PTPRD: variants seen among roughly 807,000 people sequenced by gnomAD.
PTPRD encodes receptor-type tyrosine-protein phosphatase delta.
PTPRD carries 34 observed loss-of-function variants against 214.5 expected under a neutral mutation model. The ratio of observed to expected loss-of-function variants is 0.16; its 90% CI spans 0.12 to 0.21. The LOEUF (loss-of-function observed/expected upper bound fraction) is 0.21. PTPRD is among the 10% of genes least tolerant of loss of function. PTPRD has a pLI of 1.00. For synonymous variants in PTPRD, 1,128 were observed against 845.7 expected, an observed-to-expected ratio of 1.33 and a Z score of -5.79; for missense variants, 2,545 against 2,398.7, an observed-to-expected ratio of 1.06 and a Z score of -1.27.
chr9:8,446,463 G>A (rs987230234), intron 34 of PTPRD, among the ~76,000 whole-genome samples: 2 of 152,176 alleles, frequency 1.3e-5, no homozygotes, highest in Admixed American at 1.3e-4. Flanking sequence ...AAATCGTAAT[G>A]TTTGTTTGCT....
At chr9:9,180,160 C>T (rs535114682) in intron 10 of PTPRD, among the ~76,000 whole-genome samples, 27 of 151,308 alleles carry the variant, frequency 1.8e-4, no homozygotes, top group East Asian at 5.9e-4. Context: ...ATGTTTATTG[C>T]GGCACTATTC....
chr9:10,147,201 C>G (rs886574277), intron 3 of PTPRD, among the ~76,000 whole-genome samples: 3 of 151,992 alleles, frequency 2.0e-5, no homozygotes, highest in African/African-American at 7.2e-5. Flanking sequence ...TGCCTATATA[C>G]TCAAAAGGCA....
chr9:10,226,228 C>T (rs1237506764), intron 3 of PTPRD, among the ~76,000 whole-genome samples: 3 of 152,036 alleles, frequency 2.0e-5, no homozygotes, highest in Non-Finnish European at 4.4e-5. Flanking sequence ...TCTGCCAACT[C>T]ACCTACTGAA....
chr9:9,694,721 G>A (rs1934906771), intron 7 of PTPRD, among the ~76,000 whole-genome samples: 1 of 152,038 alleles, frequency 6.6e-6, no homozygotes, highest in African/African-American at 2.4e-5. Flanking sequence ...ACTTACCAAA[G>A]GAAGAGGAGC....
In PTPRD at chr9:9,104,506, G is replaced by A. The variant is rs570552542; in HGVS notation, c.-143+78798C>T. On this transcript the variant is annotated intron_variant, in intron 10 of 45. Coordinates refer to ENST00000381196, the MANE Select transcript of PTPRD (RefSeq NM_002839.4). ...AGGTGTTTTATAAAGGCTGTTTAAT[G>A]GTAATCAAATTTGCAAAACCGTTAT... Among the ~76,000 whole-genome samples the A allele has an allele frequency of 1.1e-3, 170 of 152,212 alleles. 1 individual carries two copies. The highest frequency in any genetic ancestry group is 4.0e-3 in the African/African-American group (166 of 41,546).
chr9:10,306,161 C>T (rs1298451247), intron 3 of PTPRD, among the ~76,000 whole-genome samples: 1 of 151,070 alleles, frequency 6.6e-6, no homozygotes, highest in Non-Finnish European at 1.5e-5. Flanking sequence ...TTTCAGCAAA[C>T]GAACACAAAA....
chr9:10,135,358 A>G (rs1318594886), intron 3 of PTPRD, among the ~76,000 whole-genome samples: 1 of 152,138 alleles, frequency 6.6e-6, no homozygotes, highest in African/African-American at 2.4e-5. Flanking sequence ...GCCAATATGC[A>G]AATTCAAAAA....
intron 3 of PTPRD, among the ~76,000 whole-genome samples, chr9:10,088,106 G>A (rs567351522): frequency 2.0e-5 from 3 of 151,726 alleles, no homozygotes; most frequent in South Asian, 2.1e-4. Context: ...AATATTTATT[G>A]TCTAGTTTGT....
chr9:10,470,002 T>C (rs974620543), intron 2 of PTPRD, among the ~76,000 whole-genome samples: 1 of 149,926 alleles, frequency 6.7e-6, no homozygotes, highest in African/African-American at 2.5e-5. Flanking sequence ...AGAGGCTGGG[T>C]AGGGTATTTG....
At chr9:9,242,358 A>G (rs980440743) in intron 9 of PTPRD, among the ~76,000 whole-genome samples, 2 of 151,908 alleles carry the variant, frequency 1.3e-5, no homozygotes, top group Non-Finnish European at 2.9e-5. Context: ...TCTTTGTGGC[A>G]TTCTCTGTAT....
At chr9:9,536,186 T>G (rs1226595574) in intron 8 of PTPRD, among the ~76,000 whole-genome samples, 1 of 152,024 alleles carries the variant, frequency 6.6e-6, no homozygotes, top group African/African-American at 2.4e-5. Context: ...CTGCATTATT[T>G]TATAACTACA....
intron 10 of PTPRD, among the ~76,000 whole-genome samples, chr9:9,038,884 T>A (rs2154382051): frequency 6.6e-6 from 1 of 152,136 alleles, no homozygotes; most frequent in Non-Finnish European, 1.5e-5. Context: ...AATTTAAAAA[T>A]TTTTCCCTCC....
At chr9:10,351,942 G>A (rs970628818) in intron 2 of PTPRD, among the ~76,000 whole-genome samples, 3 of 151,968 alleles carry the variant, frequency 2.0e-5, no homozygotes, top group Non-Finnish European at 4.4e-5. Context: ...AAAACAGACC[G>A]AGTTTTGAGT....
At chr9:8,910,339 T>G (rs1009462741) in intron 11 of PTPRD, among the ~76,000 whole-genome samples, 4 of 152,036 alleles carry the variant, frequency 2.6e-5, no homozygotes, top group African/African-American at 9.7e-5. Context: ...ACCTGGCCTT[T>G]ATGTAGAAAT....
chr9:9,948,980 A>C (rs1034783420), intron 4 of PTPRD, among the ~76,000 whole-genome samples: 1 of 150,888 alleles, frequency 6.6e-6, no homozygotes, highest in African/African-American at 2.4e-5. Flanking sequence ...TATCTGATGC[A>C]ATGTCAGCAT....
chr9:8,414,930 G>GGGGAGA (rs1491158344), intron 35 of PTPRD, among the ~76,000 whole-genome samples: 55 of 49,260 alleles, frequency 1.1e-3, no homozygotes, highest in African/African-American at 3.9e-3. Flanking sequence ...AGAGGGAGGG[G>GGGGAGA]GAGAGAGAGA....
Position 8,314,916 on chromosome 9 carries a change from C to T in PTPRD, c.*2958G>A, listed in dbSNP as rs773647938. The T allele has an allele frequency of 3.0e-5, 7 of 232,230 alleles. No homozygotes were observed. The highest frequency in any genetic ancestry group is 1.2e-4 in the East Asian group (2 of 16,514). The allele number at this position is 232,230 out of a possible 1,614,324, so 14.4% of individuals were successfully genotyped here. ...CCTTCCCTCCCCTGGCTGTCCTCGC[C>T]GTTTTCTAACCATGCAAATCATTTT... On this transcript the variant is annotated 3_prime_UTR_variant, in exon 46 of 46. Coordinates refer to ENST00000381196, the MANE Select transcript of PTPRD (RefSeq NM_002839.4).
intron 11 of PTPRD, among the ~76,000 whole-genome samples, chr9:8,970,526 C>T (rs2099230936): frequency 1.3e-5 from 2 of 151,486 alleles, no homozygotes; most frequent in Non-Finnish European, 3.0e-5. Flanking sequence ...TAATCAAATA[C>T]AAGAATTCAT....
At chr9:10,011,863 C>G (rs1315543686) in intron 4 of PTPRD, among the ~76,000 whole-genome samples, 1 of 151,928 alleles carries the variant, frequency 6.6e-6, no homozygotes. Flanking sequence ...TCAGTACCCT[C>G]AGTTTTGGAG....
Sources: allele counts gnomAD v4.1 joint callset (sites outside exome capture counted in the v4.1 genomes callset), GRCh38; gene constraint gnomAD v4.1.1; transcripts MANE v1.5; gene names NCBI Gene and HGNC (gene_info 2026-07-23, HGNC 2026-07-21).